Variants in STXBP5 observed in about 807,000 individuals in gnomAD.
The protein encoded by STXBP5 is syntaxin-binding protein 5.
Under a neutral mutation model 152.4 loss-of-function variants are expected in STXBP5, and 50 were observed. That is an observed-to-expected ratio of 0.33 (90% CI 0.26 to 0.42). The LOEUF (loss-of-function observed/expected upper bound fraction) is 0.42, where lower values mean the gene tolerates loss of function less well. STXBP5 is among the 10% of genes least tolerant of loss of function. STXBP5 has a pLI of 1.00. For synonymous variants in STXBP5, 492 were observed against 494.7 expected (o/e 0.99, Z 0.07); for missense variants, 1,167 against 1,388.6 (o/e 0.84, Z 2.54).
intron 9 of STXBP5, among the ~76,000 whole-genome samples, chr6:147,291,546 A>G (rs931593613): frequency 3.3e-4 from 50 of 152,288 alleles, no homozygotes; most frequent in African/African-American, 1.2e-3. Context: ...TATGAAAGTT[A>G]TATGTATTCT....
At position 147,389,912 on chromosome 6, in the gene STXBP5, C is replaced by T. The variant is rs745981587; in HGVS notation, c.*5157C>T. ...CACATGATAGTTAGAACCAGAAAAA[C>T]ACTTTTGCTTTCTAGTTATACTATT... On this transcript the variant is annotated 3_prime_UTR_variant, in exon 28 of 28. Coordinates refer to ENST00000321680, the MANE Select transcript of STXBP5 (RefSeq NM_001127715.4). 1 of 151,068 alleles carries T rather than the reference C, an allele frequency of 6.6e-6. No individual in the cohort carries two copies. The highest frequency in any genetic ancestry group is 1.5e-5 in the Non-Finnish European group (1 of 67,680). 9.4% of individuals were successfully genotyped at this position (151,068 alleles called of 1,614,324 possible). A position where few individuals can be genotyped will look rare whatever the true frequency, so the allele number is the denominator to read the frequency against.
In STXBP5 at chr6:147,363,709, GAGTT is replaced by G. The variant is rs779497985; in HGVS notation, c.2915+8_2915+11del. 36 of 1,596,772 alleles carry G rather than the reference GAGTT, an allele frequency of 2.3e-5. No individual in the cohort carries two copies. The South Asian group carries it at 3.0e-4, about 13-fold the overall frequency. On this transcript the variant is annotated splice_donor_region_variant and intron_variant, in intron 24 of 27. Transcript: ENST00000321680. ...TGGACATATAATGACTTTTAGGTAAGAGTTAGATATGTTTTAAAACACAGATATA... is the reference window on the plus strand; with the variant it reads ...TGGACATATAATGACTTTTAGGTAAGAGATATGTTTTAAAACACAGATATA...
intron 4 of STXBP5, among the ~76,000 whole-genome samples, chr6:147,246,230 G>A (rs925674649): frequency 6.6e-6 from 1 of 152,144 alleles, no homozygotes; most frequent in African/African-American, 2.4e-5. Flanking sequence ...GGAGCAAGTC[G>A]TGGGTTGATC....
intron 25 of STXBP5, among the ~76,000 whole-genome samples, chr6:147,368,647 G>A (rs1481023241): frequency 6.6e-6 from 1 of 152,048 alleles, no homozygotes; most frequent in Admixed American, 6.5e-5. Context: ...GAAAAGAAAA[G>A]GAAAGCGGCT....
rs560699842 is a variant in STXBP5 at position 147,226,619 on chromosome 6, T to A, written c.249-8631T>A. Among the ~76,000 whole-genome samples, 6 of 152,284 alleles carry A rather than the reference T, an allele frequency of 3.9e-5. No individual in the cohort carries two copies. The East Asian group carries it at 1.2e-3, about 29-fold the overall frequency. On this transcript the variant is annotated intron_variant, in intron 2 of 27. Transcript: ENST00000321680. ...GAAAGCAAAGAATGGCATGAACATATAAGAATAGCATAAGACATGCTAAAA... is the reference window on the plus strand; with the variant it reads ...GAAAGCAAAGAATGGCATGAACATAAAAGAATAGCATAAGACATGCTAAAA...
In STXBP5 at chr6:147,386,444, C is replaced by A. The variant is rs545153892; in HGVS notation, c.*1689C>A. 4 of 151,626 alleles carry A rather than the reference C, an allele frequency of 2.6e-5. No homozygotes were observed. The highest frequency in any genetic ancestry group is 9.7e-5 in the African/African-American group (4 of 41,416). 9.4% of individuals were successfully genotyped at this position (151,626 alleles called of 1,614,324 possible). ...AAGCTTTTATGTTTACATTTTATAACATGCACTACTAGATGCAAAAGTTTA... is the reference window on the plus strand; with the variant it reads ...AAGCTTTTATGTTTACATTTTATAAAATGCACTACTAGATGCAAAAGTTTA... On this transcript the variant is annotated 3_prime_UTR_variant, in exon 28 of 28. Transcript: ENST00000321680.
chr6:147,230,181 G>C (rs1415169444), intron 2 of STXBP5, among the ~76,000 whole-genome samples: 2 of 151,776 alleles, frequency 1.3e-5, no homozygotes, highest in African/African-American at 2.4e-5. Context: ...AAAGATGATT[G>C]TTTATTTATT....
chr6:147,300,929 A>C (rs1227998210), intron 9 of STXBP5, among the ~76,000 whole-genome samples: 1 of 152,080 alleles, frequency 6.6e-6, no homozygotes, highest in Non-Finnish European at 1.5e-5. Flanking sequence ...AATATACAGA[A>C]TATATAAGGA....
At chr6:147,345,919 C>CA (rs1784305069) in intron 21 of STXBP5, among the ~76,000 whole-genome samples, 1 of 152,110 alleles carries the variant, frequency 6.6e-6, no homozygotes, top group Admixed American at 6.5e-5. Flanking sequence ...TTTATACAAC[C>CA]AGACAGTTTG....
chr6:147,304,272 A>T (rs899656564), intron 9 of STXBP5, among the ~76,000 whole-genome samples: 2 of 152,164 alleles, frequency 1.3e-5, no homozygotes, highest in Non-Finnish European at 2.9e-5. Flanking sequence ...AGCCATGGCT[A>T]AAAGGGGTCA....
At chr6:147,236,053 G>A (rs1180168059) in intron 3 of STXBP5, among the ~76,000 whole-genome samples, 1 of 152,140 alleles carries the variant, frequency 6.6e-6, no homozygotes, top group East Asian at 1.9e-4. Context: ...CTTAGGCTCC[G>A]TGGAATAATT....
chr6:147,305,745 A>G (rs751176125), intron 9 of STXBP5, among the ~76,000 whole-genome samples: 19 of 152,214 alleles, frequency 1.2e-4, no homozygotes, highest in South Asian at 4.1e-4. Flanking sequence ...CAGTAAATAC[A>G]TATGTCTCTG....
At chr6:147,326,796 C>T (rs1402115216) in intron 17 of STXBP5, among the ~76,000 whole-genome samples, 2 of 152,152 alleles carry the variant, frequency 1.3e-5, no homozygotes, top group African/African-American at 4.8e-5. Flanking sequence ...CCATGAAGAG[C>T]TCAAAATGCC....
At chr6:147,221,685 A>AT (rs1156589957) in intron 2 of STXBP5, among the ~76,000 whole-genome samples, 6 of 147,190 alleles carry the variant, frequency 4.1e-5, no homozygotes, top group South Asian at 2.1e-4. Flanking sequence ...TTCTTTCAAG[A>AT]TTTTTTTTTA....
At chr6:147,322,118 C>T (rs959798495) in intron 16 of STXBP5, among the ~76,000 whole-genome samples, 1 of 152,130 alleles carries the variant, frequency 6.6e-6, no homozygotes. Flanking sequence ...TTGTCGTGCA[C>T]ATTTAATATG....
intron 23 of STXBP5, among the ~76,000 whole-genome samples, chr6:147,360,531 A>T (rs1055266977): frequency 2.0e-5 from 3 of 151,996 alleles, no homozygotes; most frequent in East Asian, 1.9e-4. Context: ...ATGTAAGAAA[A>T]TTTTTTTTAA....
At chr6:147,255,500 T>TG (rs1779312295) in intron 4 of STXBP5, among the ~76,000 whole-genome samples, 2 of 97,552 alleles carry the variant, frequency 2.1e-5, no homozygotes, top group Non-Finnish European at 4.5e-5. Context: ...CTTTGTTCCT[T>TG]TTTGTTGTTG....
chr6:147,339,654 A>AT (rs1784000918), intron 21 of STXBP5, among the ~76,000 whole-genome samples: 1 of 152,000 alleles, frequency 6.6e-6, no homozygotes, highest in African/African-American at 2.4e-5. Flanking sequence ...GCAGGGTTCA[A>AT]TTTATGCCGT....
intron 9 of STXBP5, among the ~76,000 whole-genome samples, chr6:147,301,299 A>G (rs1350673697): frequency 6.6e-6 from 1 of 152,156 alleles, no homozygotes; most frequent in Non-Finnish European, 1.5e-5. Flanking sequence ...TACTTTATGC[A>G]TATCTGAGGG....
Sources: gnomAD v4.1 joint callset for allele counts (sites outside exome capture counted in the v4.1 genomes callset) on GRCh38, gnomAD v4.1.1 for gene constraint, MANE v1.5 for transcripts, NCBI Gene and HGNC (gene_info 2026-07-23, HGNC 2026-07-21) for gene names.